The following SPART variants were observed in gnomAD, a reference collection of about 807,000 sequenced individuals.
SPART encodes the protein spartin, also known as spastic paraplegia 20 (Troyer syndrome).
Under a neutral mutation model 58.7 loss-of-function variants are expected in SPART, and 35 were observed. That is an observed-to-expected ratio of 0.60 (90% confidence interval 0.46 to 0.79). SPART has a LOEUF of 0.79. SPART is among the 30% of genes least tolerant of loss of function. The probability of loss-of-function intolerance (pLI) is 0.00; values close to 1 mark genes in which losing one functional copy is unlikely to be tolerated. For missense variants in SPART, 730 were observed against 786.1 expected (o/e 0.93, Z 0.85); for synonymous variants, 284 against 280.7 (o/e 1.01, Z -0.12).
chr13:36,337,978 C>T (rs1262886703), intron 1 of SPART, among the ~76,000 whole-genome samples: 2 of 152,220 alleles, frequency 1.3e-5, no homozygotes, highest in African/African-American at 2.4e-5. Context: ...AAATTAGTGC[C>T]AGTTTTGCTG....
intron 3 of SPART, 107 bp downstream of exon 3, chr13:36,331,292 A>G (rs1883433120): frequency 1.1e-6 from 1 of 951,764 alleles, no homozygotes. Flanking sequence ...GTGAACTGTC[A>G]GTCTCCTAAC....
chr13:36,353,579 T>C (rs1410529882), intron 1 of SPART, among the ~76,000 whole-genome samples: 1 of 152,134 alleles, frequency 6.6e-6, no homozygotes, highest in Non-Finnish European at 1.5e-5. Flanking sequence ...TTAGGTGATT[T>C]TGGTTTGGTA....
chr13:36,348,537 A>ACTAGCAAT (rs1885284479), upstream of SPART, among the ~76,000 whole-genome samples: 3 of 152,246 alleles, frequency 2.0e-5, no homozygotes, highest in African/African-American at 7.2e-5. Flanking sequence ...GTCAACATAC[A>ACTAGCAAT]GAAATCAATA....
chr13:36,333,842 C>T (rs1883702330), intron 2 of SPART, among the ~76,000 whole-genome samples: 1 of 152,152 alleles, frequency 6.6e-6, no homozygotes, highest in Admixed American at 6.5e-5. Context: ...CTCTTTGTAA[C>T]CTTAAGGCTC....
intron 8 of SPART, among the ~76,000 whole-genome samples, chr13:36,311,538 C>G (rs1340223153): frequency 1.3e-5 from 2 of 152,064 alleles, no homozygotes. Context: ...AGATATCACC[C>G]ATCAAAAACA....
chr13:36,346,887 T>TATCC (rs1289476031), upstream of SPART: 5 of 152,358 alleles, frequency 3.3e-5, no homozygotes, highest in African/African-American at 1.2e-4. Flanking sequence ...AAAGGCTGAT[T>TATCC]ATCCCCTCAA....
Position 36,303,741 on chromosome 13 carries a change from T to C in SPART, c.*624A>G, listed in dbSNP as rs2148049. The C allele has an allele frequency of 0.99, 151,486 of 153,076 alleles. 74,968 individuals carry two copies. Among genetic ancestry groups the C allele is most frequent in the East Asian group, 1 (5,184 of 5,184 alleles). The allele number at this position is 153,076 out of a possible 1,614,324, so 9.5% of individuals were successfully genotyped here. A position where few individuals can be genotyped will look rare whatever the true frequency, so the allele number is the denominator to read the frequency against. On this transcript the variant is annotated 3_prime_UTR_variant, in exon 9 of 9. Coordinates refer to ENST00000438666, the MANE Select transcript of SPART (RefSeq NM_015087.5). ...AAAGACGTAATAATCTATTTTTATT[T>C]ATTTTAAATCAAAGAGACCATTCCA... is the stretch of plus-strand genomic sequence containing the variant.
At chr13:36,337,174 G>A (rs1215818918) in intron 1 of SPART, among the ~76,000 whole-genome samples, 6 of 152,266 alleles carry the variant, frequency 3.9e-5, no homozygotes, top group Admixed American at 3.3e-4. Flanking sequence ...ATATTAAATG[G>A]AAAATTACAG....
intron 1 of SPART, among the ~76,000 whole-genome samples, chr13:36,358,728 C>T (rs1439293441): frequency 6.6e-6 from 1 of 152,166 alleles, no homozygotes; most frequent in East Asian, 1.9e-4. Flanking sequence ...CTTAAGCAGT[C>T]CTGGAGACGT....
In SPART at chr13:36,329,811, TAC is replaced by T. The variant is rs568338029; in HGVS notation, c.1009-296_1009-295del. Among the ~76,000 whole-genome samples the T allele has an allele frequency of 4.7e-4, 71 of 152,334 alleles. No individual in the cohort carries two copies. The Middle Eastern group carries it at 0.031, about 66-fold the overall frequency. On this transcript the variant is annotated intron_variant, in intron 3 of 8. Transcript: ENST00000438666. ...AAGTTATCTTTGAATCAGATGCAGC[TAC>T]ATTTAAATTTAATTAATGAATAAAT... is the stretch of plus-strand genomic sequence containing the variant.
chr13:36,304,264 T>TA lies in SPART; in HGVS notation c.*100dup, dbSNP rs754605659. ...GTTAATTTGTAGGAATGAATACATTTAAAAAATACTGGTTAATCTGTGAGG... is the reference window on the plus strand; with the variant it reads ...GTTAATTTGTAGGAATGAATACATTTAAAAAAATACTGGTTAATCTGTGAGG... On this transcript the variant is annotated 3_prime_UTR_variant, in exon 9 of 9. Coordinates refer to ENST00000438666, the MANE Select transcript of SPART (RefSeq NM_015087.5). The TA allele has an allele frequency of 1.0e-5, 14 of 1,386,764 alleles. No homozygotes were observed. Among genetic ancestry groups the TA allele is most frequent in the Non-Finnish European group, 1.4e-5 (14 of 982,934 alleles). The allele number at this position is 1,386,764 out of a possible 1,614,324, so 85.9% of individuals were successfully genotyped here.
chr13:36,357,182 A>G (rs1885652022), intron 1 of SPART, among the ~76,000 whole-genome samples: 1 of 152,068 alleles, frequency 6.6e-6, no homozygotes. Context: ...ACAACCATGG[A>G]TACCTAATCA....
At chr13:36,349,738 C>G (rs1299949046), upstream of SPART, among the ~76,000 whole-genome samples, 2 of 152,106 alleles carry the variant, frequency 1.3e-5, no homozygotes, top group Non-Finnish European at 2.9e-5. Context: ...AGAGGAAAAA[C>G]TGAATTATCT....
chr13:36,340,108 A>T (rs2137603071), intron 1 of SPART, among the ~76,000 whole-genome samples: 1 of 151,982 alleles, frequency 6.6e-6, no homozygotes, highest in East Asian at 2.0e-4. Flanking sequence ...TGGGCAAAAA[A>T]TAAGAAAAAA....
At chr13:36,342,577 T>C (rs1884682220) in intron 1 of SPART, among the ~76,000 whole-genome samples, 1 of 152,202 alleles carries the variant, frequency 6.6e-6, no homozygotes. Context: ...GCAGCATCCC[T>C]GATCTCTGTC....
intron 5 of SPART, among the ~76,000 whole-genome samples, chr13:36,315,295 C>T (rs1045151298): frequency 3.9e-5 from 6 of 152,164 alleles, no homozygotes; most frequent in Admixed American, 6.5e-5. Flanking sequence ...CATGTAAGAA[C>T]AGTGTCCCCT....
At chr13:36,340,881 T>C (rs1382708753) in intron 1 of SPART, among the ~76,000 whole-genome samples, 1 of 152,178 alleles carries the variant, frequency 6.6e-6, no homozygotes, top group African/African-American at 2.4e-5. Context: ...AAATAAAAAG[T>C]AATCATAATG....
intron 5 of SPART, among the ~76,000 whole-genome samples, chr13:36,321,097 C>T (rs1361631922): frequency 6.6e-6 from 1 of 152,202 alleles, no homozygotes; most frequent in Non-Finnish European, 1.5e-5. Context: ...TTTAAGCTCC[C>T]GTACAGACGC....
chr13:36,342,606 G>C (rs1884686225), intron 1 of SPART, among the ~76,000 whole-genome samples: 1 of 151,990 alleles, frequency 6.6e-6, no homozygotes, highest in African/African-American at 2.4e-5. Context: ...GCCCATAGCA[G>C]CACCACCCCT....
Sources: gnomAD v4.1 joint callset for allele counts (sites outside exome capture counted in the v4.1 genomes callset) on GRCh38, gnomAD v4.1.1 for gene constraint, MANE v1.5 for transcripts, NCBI Gene and HGNC (gene_info 2026-07-23, HGNC 2026-07-21) for gene names.